RCSD1: variants seen among roughly 807,000 people sequenced by gnomAD.
RCSD1 encodes the protein capZ-interacting protein.
In RCSD1, 26 loss-of-function variants were observed where a neutral mutation model predicts 42.5. The observed-to-expected ratio is 0.61, with a 90% CI of 0.45 to 0.85. The LOEUF is 0.85. Ranked by LOEUF, RCSD1 falls within the 40% of genes least tolerant of loss-of-function variation. The probability of loss-of-function intolerance (pLI) is 0.00; values close to 1 mark genes in which losing one functional copy is unlikely to be tolerated. For missense variants in RCSD1, 571 were observed against 528.3 expected, an observed-to-expected ratio of 1.08 and a Z score of -0.79; for synonymous variants, 220 against 212.2, an observed-to-expected ratio of 1.04 and a Z score of -0.32.
chr1:167,697,469 C>G lies in RCSD1; in HGVS notation c.845C>G (p.Pro282Arg). 1 of 1,610,274 alleles carries G rather than the reference C, an allele frequency of 6.2e-7. No homozygotes were observed. The highest frequency in any genetic ancestry group is 8.5e-7 in the Non-Finnish European group (1 of 1,178,406). Residue 282 changes from proline to arginine, a missense_variant, in exon 6 of 7, where the codon CCG becomes CGG. Physicochemically the swap from Pro to Arg is moderately radical, Grantham distance 103. Coordinates refer to ENST00000367854, the MANE Select transcript of RCSD1 (RefSeq NM_052862.4). Reference protein sequence around the residue: ...DGQHPAQEEVPESPQTSGPEA... With the variant: ...DGQHPAQEEVRESPQTSGPEA... ...CAGCACCCGGCCCAAGAGGAGGTCC[C>G]GGAATCGCCCCAGACCTCTGGCCCA...
intron 1 of RCSD1, among the ~76,000 whole-genome samples, chr1:167,677,260 T>C (rs1197045144): frequency 6.6e-6 from 1 of 152,206 alleles, no homozygotes; most frequent in Non-Finnish European, 1.5e-5. Flanking sequence ...TGTCTACAGA[T>C]GCTCAGGAAG....
In RCSD1 at chr1:167,708,296, AAAC is replaced by A. The variant is rs1659808285; in HGVS notation, c.*3605_*3607del. Among the ~76,000 whole-genome samples, 1 of 152,222 alleles carries A rather than the reference AAAC, an allele frequency of 6.6e-6. No homozygotes were observed. Among genetic ancestry groups the A allele is most frequent in the Admixed American group, 6.5e-5 (1 of 15,288 alleles). On this transcript the variant is annotated 3_prime_UTR_variant, in exon 7 of 7. Transcript: ENST00000367854. ...AAAAGAAGCTATGCTGGCAGGCAAA[AAAC>A]AACAGCTGTTTCCCATAGGGCAAAA...
chr1:167,643,596 G>C (rs1041810881), intron 1 of RCSD1, among the ~76,000 whole-genome samples: 2 of 152,220 alleles, frequency 1.3e-5, no homozygotes, highest in African/African-American at 4.8e-5. Context: ...ATGCCTCATG[G>C]GGAGGCAGTG....
intron 1 of RCSD1, among the ~76,000 whole-genome samples, chr1:167,637,877 G>A (rs1657901447): frequency 6.6e-6 from 1 of 152,122 alleles, no homozygotes; most frequent in African/African-American, 2.4e-5. Context: ...TTGCCCAGAG[G>A]CAGACAAGGG....
chr1:167,659,945 A>T (rs1409968939), intron 1 of RCSD1, among the ~76,000 whole-genome samples: 1 of 152,148 alleles, frequency 6.6e-6, no homozygotes, highest in Admixed American at 6.6e-5. Flanking sequence ...TCTCTCCAAA[A>T]GGATGTCTGC....
At chr1:167,660,758 G>T (rs916347337) in intron 1 of RCSD1, among the ~76,000 whole-genome samples, 2 of 152,132 alleles carry the variant, frequency 1.3e-5, no homozygotes, top group African/African-American at 4.8e-5. Context: ...TCAGGTGTGA[G>T]CCGCCGTGCC....
At chr1:167,666,482 A>C (rs542595528) in intron 1 of RCSD1, among the ~76,000 whole-genome samples, 1 of 152,358 alleles carries the variant, frequency 6.6e-6, no homozygotes, top group African/African-American at 2.4e-5. Flanking sequence ...GACAGTGAGC[A>C]GGAAGGAAGT....
At chr1:167,638,373 C>A (rs1657912235) in intron 1 of RCSD1, 2 of 152,186 alleles carry the variant, frequency 1.3e-5, no homozygotes, top group Non-Finnish European at 2.9e-5. Flanking sequence ...TTCATAAAGT[C>A]ATATTATGTC....
chr1:167,683,798 C>T (rs769057905), intron 1 of RCSD1, 102 bp from the exon 2 acceptor site: 36 of 1,078,038 alleles, frequency 3.3e-5, no homozygotes, highest in African/African-American at 4.7e-5. Flanking sequence ...GTTAAAATAC[C>T]TCACTGTCAC....
At chr1:167,662,520 C>G (rs1658562470) in intron 1 of RCSD1, among the ~76,000 whole-genome samples, 1 of 152,100 alleles carries the variant, frequency 6.6e-6, no homozygotes, top group African/African-American at 2.4e-5. Flanking sequence ...TCTTCATTAC[C>G]AGTTTTTCAT....
intron 1 of RCSD1, among the ~76,000 whole-genome samples, chr1:167,676,123 C>G (rs1210807201): frequency 6.6e-6 from 1 of 152,192 alleles, no homozygotes; most frequent in African/African-American, 2.4e-5. Context: ...CTATCATCAT[C>G]ATTCCGTTTT....
chr1:167,656,993 C>T lies in RCSD1; in HGVS notation c.6+26564C>T, dbSNP rs115964293. Among the ~76,000 whole-genome samples the T allele has an allele frequency of 5.5e-3, 831 of 152,264 alleles. 12 individuals are homozygous for T. The highest frequency in any genetic ancestry group is 0.019 in the African/African-American group (774 of 41,548). Reference sequence around the variant, plus strand: ...AGTCAGACTGGGACACATTTTGAACCCACCTTCACTATGCCAGCATGTGAC... The same window carrying T: ...AGTCAGACTGGGACACATTTTGAACTCACCTTCACTATGCCAGCATGTGAC... On this transcript the variant is annotated intron_variant, in intron 1 of 6. Coordinates refer to ENST00000367854, the MANE Select transcript of RCSD1 (RefSeq NM_052862.4).
intron 4 of RCSD1, among the ~76,000 whole-genome samples, chr1:167,692,441 A>G (rs898114829): frequency 7.2e-5 from 11 of 152,140 alleles, no homozygotes; most frequent in African/African-American, 2.2e-4. Context: ...AAGCCCTCTC[A>G]GCCATGCCAG....
chr1:167,695,616 G>A (rs1042581448), intron 5 of RCSD1, among the ~76,000 whole-genome samples: 34 of 148,348 alleles, frequency 2.3e-4, no homozygotes, highest in African/African-American at 6.0e-4. Context: ...TTGGCTCATC[G>A]CAACCCCCAC....
intron 1 of RCSD1, among the ~76,000 whole-genome samples, chr1:167,641,120 C>T (rs1209608455): frequency 6.6e-6 from 1 of 152,118 alleles, no homozygotes; most frequent in East Asian, 1.9e-4. Context: ...GCCTGGGTCT[C>T]AGCTATAATT....
intron 1 of RCSD1, chr1:167,633,702 A>G (rs1315824785): frequency 6.6e-6 from 1 of 152,210 alleles, no homozygotes; most frequent in East Asian, 1.9e-4. Flanking sequence ...ATTCTGCTCC[A>G]TGGACAGTAG....
chr1:167,633,422 A>C (rs1417915718), intron 1 of RCSD1, among the ~76,000 whole-genome samples: 1 of 152,234 alleles, frequency 6.6e-6, no homozygotes, highest in African/African-American at 2.4e-5. Flanking sequence ...CAGGGAGAAC[A>C]TGCCAGCTTT....
intron 1 of RCSD1, among the ~76,000 whole-genome samples, chr1:167,649,025 T>C (rs1658237814): frequency 6.6e-6 from 1 of 152,316 alleles, no homozygotes; most frequent in Admixed American, 6.5e-5. Context: ...AACAAGTGAT[T>C]GAAACAGTTT....
At chr1:167,698,019 G>A (rs1219170036) in intron 6 of RCSD1, among the ~76,000 whole-genome samples, 177 bp downstream of exon 6, 2 of 152,196 alleles carry the variant, frequency 1.3e-5, no homozygotes, top group South Asian at 2.1e-4. Flanking sequence ...AGGCTGAGGG[G>A]ACAAAAGGAC....
Sources: allele counts gnomAD v4.1 joint callset (sites outside exome capture counted in the v4.1 genomes callset), GRCh38; gene constraint gnomAD v4.1.1; transcripts MANE v1.5; gene names NCBI Gene and HGNC (gene_info 2026-07-23, HGNC 2026-07-21).